The following BNC2 variants were observed in gnomAD, a reference collection of about 807,000 sequenced individuals.
The protein encoded by BNC2 is basonuclin zinc finger protein 2.
Under a neutral mutation model 76.3 loss-of-function variants are expected in BNC2, and 20 were observed. The ratio of observed to expected loss-of-function variants is 0.26; its 90% CI spans 0.18 to 0.38. BNC2 has a LOEUF of 0.38. Among genes scored for constraint, BNC2 ranks in the 10% least tolerant of loss-of-function variants. BNC2 has a pLI of 1.00. For synonymous variants in BNC2, 582 were observed against 514.8 expected, an observed-to-expected ratio of 1.13 and a Z score of -1.77; for missense variants, 1,382 against 1,399.8, an observed-to-expected ratio of 0.99 and a Z score of 0.20.
chr9:16,523,243 G>T (rs1161288356), intron 5 of BNC2, among the ~76,000 whole-genome samples: 3 of 151,688 alleles, frequency 2.0e-5, no homozygotes, highest in African/African-American at 7.3e-5. Flanking sequence ...AGGCCGAGGT[G>T]GGTGGATCAT....
intron 5 of BNC2, among the ~76,000 whole-genome samples, chr9:16,539,733 G>A (rs1258035763): frequency 8.8e-6 from 1 of 113,962 alleles, no homozygotes; most frequent in Non-Finnish European, 1.8e-5. Context: ...AGGAAAAGAG[G>A]GAAAGGGAAG....
At chr9:16,574,304 C>T (rs1279935330) in intron 4 of BNC2, among the ~76,000 whole-genome samples, 9 of 152,160 alleles carry the variant, frequency 5.9e-5, no homozygotes, top group Admixed American at 5.2e-4. Flanking sequence ...CATCGAAGCA[C>T]TTCACATGCA....
chr9:16,571,520 C>T (rs1819323191), intron 4 of BNC2, among the ~76,000 whole-genome samples: 1 of 152,108 alleles, frequency 6.6e-6, no homozygotes, highest in African/African-American at 2.4e-5. Context: ...TTGCTGCCTG[C>T]AGTTTTTTTC....
intron 3 of BNC2, among the ~76,000 whole-genome samples, chr9:16,585,263 C>G (rs1027259957): frequency 1.3e-5 from 2 of 152,066 alleles, no homozygotes; most frequent in Non-Finnish European, 2.9e-5. Flanking sequence ...TTCACTTACT[C>G]TGAACAAGTT....
intron 5 of BNC2, among the ~76,000 whole-genome samples, chr9:16,538,525 C>A (rs577756167): frequency 1.2e-4 from 18 of 152,268 alleles, no homozygotes; most frequent in African/African-American, 3.1e-4. Flanking sequence ...TAAAAATGAT[C>A]ATCTTTGATT....
chr9:16,550,120 C>CA (rs1818613300), intron 5 of BNC2, among the ~76,000 whole-genome samples: 1 of 152,182 alleles, frequency 6.6e-6, no homozygotes, highest in African/African-American at 2.4e-5. Context: ...ATTTTCCTCT[C>CA]AAATTTCATT....
At chr9:16,499,715 G>C (rs1027478668) in intron 5 of BNC2, among the ~76,000 whole-genome samples, 1 of 151,594 alleles carries the variant, frequency 6.6e-6, no homozygotes, top group Admixed American at 6.6e-5. Context: ...ATTTTTAGTA[G>C]AGATGGGGTT....
chr9:16,746,172 C>T (rs1425141016), intron 1 of BNC2, among the ~76,000 whole-genome samples: 4 of 152,140 alleles, frequency 2.6e-5, no homozygotes, highest in African/African-American at 9.7e-5. Context: ...GAGCTCAAAG[C>T]AGTCACCCAG....
At chr9:16,495,616 C>T (rs892501439) in intron 5 of BNC2, among the ~76,000 whole-genome samples, 1 of 152,178 alleles carries the variant, frequency 6.6e-6, no homozygotes, top group Non-Finnish European at 1.5e-5. Context: ...CCTGGCTCAC[C>T]ACGGCCAAGC....
At chr9:16,652,213 ATAAT>A (rs985054043) in intron 3 of BNC2, among the ~76,000 whole-genome samples, 8 of 152,224 alleles carry the variant, frequency 5.3e-5, no homozygotes, top group Non-Finnish European at 8.8e-5. Flanking sequence ...AGAAACCAAA[ATAAT>A]TAATTGAGTC....
chr9:16,434,916 A>G (rs1563780946), intron 6 of BNC2: 1 of 468,012 alleles, frequency 2.1e-6, no homozygotes, highest in Non-Finnish European at 4.4e-6. Flanking sequence ...CGACCATACC[A>G]TTTTCCCACA....
At chr9:16,594,674 T>C (rs1024144316) in intron 3 of BNC2, among the ~76,000 whole-genome samples, 3 of 152,172 alleles carry the variant, frequency 2.0e-5, no homozygotes, top group African/African-American at 7.2e-5. Flanking sequence ...GCTATGAAGC[T>C]TGCATAACAT....
intron 3 of BNC2, among the ~76,000 whole-genome samples, chr9:16,609,337 G>T (rs111430384): frequency 0.013 from 2,048 of 152,200 alleles, 68 homozygotes; most frequent in South Asian, 0.13. Context: ...CCAATAGAGG[G>T]GGGGAAACCA....
chr9:16,591,700 G>C (rs1439629419), intron 3 of BNC2, among the ~76,000 whole-genome samples: 1 of 152,078 alleles, frequency 6.6e-6, no homozygotes, highest in Non-Finnish European at 1.5e-5. Context: ...AATAGTAACA[G>C]CAGCAAATGA....
rs565218861 is a variant in BNC2, at chr9:16,470,155, G to A, written c.670-32631C>T. ...TGGGACTACAGGCGCCCACCACCACGCCCAGCTAATTTTTTATATTTTTAG... is the reference window on the plus strand; with the variant it reads ...TGGGACTACAGGCGCCCACCACCACACCCAGCTAATTTTTTATATTTTTAG... On this transcript the variant is annotated intron_variant, in intron 5 of 6. Transcript: ENST00000380672. Among the ~76,000 whole-genome samples the A allele has an allele frequency of 5.5e-4, 84 of 151,644 alleles. 1 individual carries two copies. The highest frequency in any genetic ancestry group is 1.1e-3 in the Non-Finnish European group (74 of 67,920).
chr9:16,683,128 C>G (rs1438493274), intron 3 of BNC2, among the ~76,000 whole-genome samples: 1 of 152,162 alleles, frequency 6.6e-6, no homozygotes, highest in Non-Finnish European at 1.5e-5. Flanking sequence ...AAAGTCAAAT[C>G]AGGCACAGAC....
intron 1 of BNC2, among the ~76,000 whole-genome samples, chr9:16,863,047 TGGGATTATAGGTG>T (rs1819451672): frequency 6.6e-6 from 1 of 151,842 alleles, no homozygotes; most frequent in South Asian, 2.1e-4. Context: ...CCCGAGTAGC[TGGGATTATAGGTG>T]CCCGCCACCA....
intron 1 of BNC2, among the ~76,000 whole-genome samples, chr9:16,743,661 C>A (rs1009974153): frequency 1.3e-5 from 2 of 152,314 alleles, no homozygotes; most frequent in East Asian, 3.9e-4. Flanking sequence ...CTGAACCACA[C>A]TGGTTTTCTT....
At chr9:16,796,748 C>T (rs1200951390) in intron 1 of BNC2, among the ~76,000 whole-genome samples, 1 of 152,080 alleles carries the variant, frequency 6.6e-6, no homozygotes, top group Non-Finnish European at 1.5e-5. Flanking sequence ...TGAGTAGAAT[C>T]GTATTTGACA....
Sources: allele counts gnomAD v4.1 joint callset (sites outside exome capture counted in the v4.1 genomes callset), GRCh38; gene constraint gnomAD v4.1.1; transcripts MANE v1.5; gene names NCBI Gene and HGNC (gene_info 2026-07-23, HGNC 2026-07-21).